Variants in DBF4B observed in about 807,000 individuals in gnomAD.
DBF4B encodes DBF4B-CDC7 kinase regulatory subunit, also known as protein DBF4 homolog B.
DBF4B carries 49 observed loss-of-function variants against 53.4 expected under a neutral mutation model. The observed-to-expected ratio is 0.92, with a 90% CI of 0.73 to 1.16. DBF4B has a LOEUF of 1.16. Ranked by LOEUF, DBF4B falls within the 50% of genes most tolerant of loss-of-function variation. The probability of loss-of-function intolerance (pLI) is 0.00; values close to 1 mark genes in which losing one functional copy is unlikely to be tolerated. For synonymous variants in DBF4B, 257 were observed against 288.7 expected (o/e 0.89, Z 1.11); for missense variants, 692 against 775.0 (o/e 0.89, Z 1.27).
chr17:44,748,431 C>G lies in DBF4B; in HGVS notation c.1155C>G (p.Pro385=), dbSNP rs774623067. The stretch of plus-strand genomic sequence containing the variant: ...CCTCCCATCCCAGGGCAGCATCTCC[C>G]AGGATAAGGAAAGAAGACAGCTGCC... The part of the protein sequence containing the change: ...HQPSHPRAAS[P]RIRKEDSCQA... The change falls in exon 13 of 14, where the codon CCC becomes CCG. Residue 385 remains proline (P), a synonymous_variant. Transcript: ENST00000315005. 2.5e-6 allele frequency: 4 copies of G among 1,614,120 alleles called. 1 individual carries two copies. In the South Asian group the frequency reaches 4.4e-5, roughly 18 times the overall value.
intron 2 of DBF4B, among the ~76,000 whole-genome samples, chr17:44,722,186 G>A (rs116097721): frequency 6.6e-6 from 1 of 151,680 alleles, no homozygotes; most frequent in Non-Finnish European, 1.5e-5. Context: ...AAAGCCCCTG[G>A]AATATGGGCT....
At chr17:44,738,890 T>G (rs1975725113) in intron 9 of DBF4B, among the ~76,000 whole-genome samples, 1 of 152,216 alleles carries the variant, frequency 6.6e-6, no homozygotes, top group South Asian at 2.1e-4. Context: ...CTGTACTTGA[T>G]AAAGCCTTTC....
At chr17:44,716,013 G>A (rs950857763) in intron 2 of DBF4B, among the ~76,000 whole-genome samples, 4 of 151,018 alleles carry the variant, frequency 2.6e-5, no homozygotes, top group East Asian at 3.9e-4. Flanking sequence ...TGGTAGAGAC[G>A]GGGTTTCACC....
Position 44,751,361 on chromosome 17 carries a change from C to T in DBF4B, c.*108C>T. 1 of 1,457,696 alleles carries T rather than the reference C, an allele frequency of 6.9e-7. No homozygotes were observed. Among genetic ancestry groups the T allele is most frequent in the South Asian group, 1.4e-5 (1 of 69,902 alleles). The allele number at this position is 1,457,696 out of a possible 1,614,324, so 90.3% of individuals were successfully genotyped here. ...GCGTGAGCACTGCTCAGACTCCTTT[C>T]CACTCCAGCCCCCTTTCCACATCGC... is the stretch of plus-strand genomic sequence containing the variant. On this transcript the variant is annotated 3_prime_UTR_variant, in exon 14 of 14. Coordinates refer to ENST00000315005, the MANE Select transcript of DBF4B (RefSeq NM_145663.3).
At chr17:44,721,361 G>C (rs887194969) in intron 2 of DBF4B, among the ~76,000 whole-genome samples, 1 of 151,832 alleles carries the variant, frequency 6.6e-6, no homozygotes, top group Non-Finnish European at 1.5e-5. Flanking sequence ...TGGGATTACA[G>C]GTGTGTACCA....
At chr17:44,719,823 C>A in intron 2 of DBF4B, 2 of 239,020 alleles carry the variant, frequency 8.4e-6, no homozygotes, top group East Asian at 2.1e-4. Context: ...ACAGGTAGCC[C>A]TGGAGCTGAG....
At position 44,709,304 on chromosome 17, in the gene DBF4B, G is replaced by A. The variant is rs927514665; in HGVS notation, c.20G>A (p.Gly7Glu). 1.5e-5 allele frequency: 24 copies of A among 1,613,976 alleles called. No homozygotes were observed. Among genetic ancestry groups the A allele is most frequent in the East Asian group, 2.2e-5 (1 of 44,892 alleles). ...GAGTTGCTGTTATGTCCTTTCTCAG[G>A]AGACGATTGCCTCGAGCTGGAGAGT... MSEPGKGDDCLELESSM... is the reference protein window; with the variant it reads MSEPGKEDDCLELESSM... The change falls in exon 2 of 14, where the codon GGA becomes GAA. Residue 7 changes from glycine to glutamate, a missense_variant and splice_region_variant. By Grantham distance (98) the Gly-to-Glu change is moderately conservative (BLOSUM62 -2). Coordinates refer to ENST00000315005, the MANE Select transcript of DBF4B (RefSeq NM_145663.3).
intron 5 of DBF4B, 59 bp from the exon 6 acceptor site, chr17:44,732,119 C>T (rs1439533325): frequency 1.9e-6 from 3 of 1,572,454 alleles, no homozygotes. Context: ...TATCTGTCCC[C>T]TTCACTTTCA....
chr17:44,734,825 T>C (rs1042469534), intron 7 of DBF4B, among the ~76,000 whole-genome samples: 1 of 152,168 alleles, frequency 6.6e-6, no homozygotes, highest in Non-Finnish European at 1.5e-5. Flanking sequence ...ATGGAGCAGC[T>C]GGGCATGGTG....
At chr17:44,709,486 T>C (rs373334816) in intron 2 of DBF4B, 120 bp downstream of exon 2, 19 of 1,073,146 alleles carry the variant, frequency 1.8e-5, no homozygotes, top group East Asian at 7.2e-5. Context: ...TATGTACTTA[T>C]TTATTCATTT....
chr17:44,751,492 G>C lies in DBF4B; in HGVS notation c.*239G>C. The C allele has an allele frequency of 1.0e-5, 14 of 1,400,080 alleles. No homozygotes were observed. Among genetic ancestry groups the C allele is most frequent in the Non-Finnish European group, 1.1e-5 (12 of 1,081,134 alleles). The allele number at this position is 1,400,080 out of a possible 1,614,324, so 86.7% of individuals were successfully genotyped here. On this transcript the variant is annotated 3_prime_UTR_variant, in exon 14 of 14. Transcript: ENST00000315005. ...CTGAAGAGGTGTCCTCCCTCCACAAGTCACACTGTCTGTCCCTGGCCCTCC... is the reference window on the plus strand; with the variant it reads ...CTGAAGAGGTGTCCTCCCTCCACAACTCACACTGTCTGTCCCTGGCCCTCC...
At position 44,749,977 on chromosome 17, in the gene DBF4B, A is replaced by G; in HGVS notation, c.1190-618A>G. Reference sequence around the variant, plus strand: ...CACCACTCACAGAGCTCCCTCCCCCAGGCACTTAGTTGGGGCCCAGCACTG... The same window carrying G: ...CACCACTCACAGAGCTCCCTCCCCCGGGCACTTAGTTGGGGCCCAGCACTG... On this transcript the variant is annotated intron_variant, in intron 13 of 13. Coordinates refer to ENST00000315005, the MANE Select transcript of DBF4B (RefSeq NM_145663.3). This position sits in a 1 kb window ranked among gnomAD's most constrained non-coding sequence, Gnocchi z 4.4. The G allele has an allele frequency of 7.0e-6, 7 of 1,005,302 alleles. No homozygotes were observed. The highest frequency in any genetic ancestry group is 8.3e-6 in the Non-Finnish European group (7 of 841,470). The allele number at this position is 1,005,302 out of a possible 1,614,324, so 62.3% of individuals were successfully genotyped here.
At chr17:44,741,166 T>C (rs535342777) in intron 9 of DBF4B, among the ~76,000 whole-genome samples, 170 bp from the exon 10 acceptor site, 4 of 151,796 alleles carry the variant, frequency 2.6e-5, no homozygotes, top group African/African-American at 9.7e-5. Context: ...AGGGAGAACA[T>C]ATGTATTAAT....
At chr17:44,742,573 C>A (rs1311057338) in intron 10 of DBF4B, among the ~76,000 whole-genome samples, 1 of 151,884 alleles carries the variant, frequency 6.6e-6, no homozygotes, top group Non-Finnish European at 1.5e-5. Context: ...AGAGTGAAAC[C>A]CTGATGCAGG....
At chr17:44,723,990 A>G (rs993711494) in intron 3 of DBF4B, among the ~76,000 whole-genome samples, 1 of 151,986 alleles carries the variant, frequency 6.6e-6, no homozygotes, top group African/African-American at 2.4e-5. Flanking sequence ...GCATGACTGT[A>G]GTTGGGAGGC....
intron 10 of DBF4B, 38 bp downstream of exon 10, chr17:44,741,490 A>T (rs1367319858): frequency 7.0e-7 from 1 of 1,437,730 alleles, no homozygotes; most frequent in Non-Finnish European, 9.6e-7. Flanking sequence ...AGGGCTGGTT[A>T]CAGGCCAAAG....
At chr17:44,741,237 C>T (rs1975990029) in intron 9 of DBF4B, 99 bp from the exon 10 acceptor site, 1 of 821,784 alleles carries the variant, frequency 1.2e-6, no homozygotes, top group Non-Finnish European at 2.1e-6. Context: ...GGTGAGAGTC[C>T]ACTTTATCAG....
intron 6 of DBF4B, 44 bp from the exon 7 acceptor site, chr17:44,734,046 G>A: frequency 6.4e-7 from 1 of 1,551,904 alleles, no homozygotes; most frequent in Non-Finnish European, 8.9e-7. Flanking sequence ...CTAGGTAAGT[G>A]AAGACTGGAA....
rs567319591 is a variant in DBF4B, at chr17:44,728,262, G to A, written c.226-1643G>A. ...ACCTTCCCAGAAAGTGAGGCAGGAA[G>A]CTAAGGCCTCTGAGGCCTAGGCTCC... On this transcript the variant is annotated intron_variant, in intron 3 of 13. Coordinates refer to ENST00000315005, the MANE Select transcript of DBF4B (RefSeq NM_145663.3). 6.6e-5 allele frequency among the ~76,000 whole-genome samples: 10 copies of A among 152,232 alleles called. No individual in the cohort carries two copies. In the East Asian group the frequency reaches 1.5e-3, roughly 23 times the overall value.
Sources: allele counts gnomAD v4.1 joint callset (sites outside exome capture counted in the v4.1 genomes callset), GRCh38; gene constraint gnomAD v4.1.1; non-coding constraint Gnocchi (gnomAD v3.1); transcripts MANE v1.5; gene names NCBI Gene and HGNC (gene_info 2026-07-23, HGNC 2026-07-21).